Variants in SON observed in about 807,000 individuals in gnomAD.
The protein encoded by SON is protein SON.
In SON, 4 loss-of-function variants were observed where a neutral mutation model predicts 173.3. That is an observed-to-expected ratio of 0.02 (90% CI 0.01 to 0.05). SON has a LOEUF of 0.05. SON is among the 10% of genes least tolerant of loss of function. SON has a pLI of 1.00. For synonymous variants in SON, 1,190 were observed against 1,105.9 expected, an observed-to-expected ratio of 1.08 and a Z score of -1.51; for missense variants, 2,626 against 3,055.3, an observed-to-expected ratio of 0.86 and a Z score of 3.31.
chr21:33,550,038 G>A lies in SON; in HGVS notation c.807G>A (p.Glu269=), dbSNP rs150227615. 4 of 1,613,986 alleles carry A rather than the reference G, an allele frequency of 2.5e-6. No individual in the cohort carries two copies. The highest frequency in any genetic ancestry group is 3.4e-6 in the Non-Finnish European group (4 of 1,180,032). ...AGCCAGTTGTAACAATGTCAGTGGA[G>A]TATCAGATGAAGTCTGTGCTGAAAT... ...SSEPVVTMSV[E]YQMKSVLKSV... is the part of the protein sequence containing the mutation. Residue 269 remains glutamate, a synonymous_variant, in exon 3 of 12, where the codon GAG becomes GAA. Transcript: ENST00000356577.
At chr21:33,569,126 A>C in intron 8 of SON, 39 bp downstream of exon 8, 1 of 1,272,760 alleles carries the variant, frequency 7.9e-7, no homozygotes, top group Non-Finnish European at 1.1e-6. Context: ...TCGAACAAAA[A>C]GTTTAAATTT....
Position 33,551,931 on chromosome 21 carries a change from C to A in SON, c.2700C>A (p.Thr900=). The change falls in exon 3 of 12, where the codon ACC becomes ACA. Residue 900 remains threonine, a synonymous_variant. Coordinates refer to ENST00000356577, the MANE Select transcript of SON (RefSeq NM_138927.4). ...TMDAQMLASS[T]QDSAMLGSKS... ...ATGCCCAGATGTTAGCGTCTAGTAC[C>A]CAAGATTCTGCTATGTTGGGTTCAA... The A allele has an allele frequency of 6.2e-7, 1 of 1,614,082 alleles. No homozygotes were observed.
Position 33,551,190 on chromosome 21 carries a change from C to T in SON, c.1959C>T (p.Ile653=). ...GQPVATVALE[I]SVQSVVTTSE... ...CTGTGGCAACTGTGGCGCTGGAGAT[C>T]TCTGTTCAGTCTGTGGTGACAACAT... The change falls in exon 3 of 12, where the codon ATC becomes ATT. Residue 653 remains isoleucine, a synonymous_variant. Coordinates refer to ENST00000356577, the MANE Select transcript of SON (RefSeq NM_138927.4). 4 of 1,614,070 alleles carry T rather than the reference C, an allele frequency of 2.5e-6. No individual in the cohort carries two copies. Among genetic ancestry groups the T allele is most frequent in the Non-Finnish European group, 3.4e-6 (4 of 1,179,980 alleles).
intron 6 of SON, among the ~76,000 whole-genome samples, chr21:33,561,623 A>T (rs190781709): frequency 1.8e-3 from 272 of 151,842 alleles, no homozygotes; most frequent in Non-Finnish European, 3.0e-3. Flanking sequence ...CACTTTTTTG[A>T]GAGAGAGAGA....
intron 2 of SON, among the ~76,000 whole-genome samples, chr21:33,549,223 C>T (rs182388422): frequency 1.2e-4 from 18 of 151,842 alleles, no homozygotes; most frequent in South Asian, 1.0e-3. Flanking sequence ...TACAGGTGCG[C>T]GTCACCATGC....
chr21:33,562,586 A>G (rs1171130648), intron 6 of SON, among the ~76,000 whole-genome samples: 1 of 152,196 alleles, frequency 6.6e-6, no homozygotes, highest in Non-Finnish European at 1.5e-5. Context: ...GAAGCAGCAT[A>G]AATTCATTTC....
chr21:33,573,600 G>A, intron 9 of SON, 145 bp downstream of exon 9: 1 of 624,670 alleles, frequency 1.6e-6, no homozygotes, highest in Non-Finnish European at 2.6e-6. Flanking sequence ...CCCCTTTTGG[G>A]GTTCACAGAG....
chr21:33,551,311 A>T lies in SON; in HGVS notation c.2080A>T (p.Thr694Ser). The part of the protein sequence containing the change: ...YNTVAQELPT[T>S]LVGETSVTVG... Reference sequence around the variant, plus strand: ...TACGGTAGCACAGGAGCTGCCTACTACATTAGTGGGGGAGACTTCTGTAAC... The same window carrying T: ...TACGGTAGCACAGGAGCTGCCTACTTCATTAGTGGGGGAGACTTCTGTAAC... The change falls in exon 3 of 12, where the codon ACA becomes TCA. Residue 694 changes from threonine (T) to serine (S), a missense_variant. This residue lies in a region of SON where 182 missense variants were observed against 193.6 expected (regional missense o/e 0.94). Coordinates refer to ENST00000356577, the MANE Select transcript of SON (RefSeq NM_138927.4). The T allele has an allele frequency of 6.2e-7, 1 of 1,614,098 alleles. No individual in the cohort carries two copies. The highest frequency in any genetic ancestry group is 8.5e-7 in the Non-Finnish European group (1 of 1,179,984).
At position 33,552,945 on chromosome 21, in the gene SON, A is replaced by T. The variant is rs1259897645; in HGVS notation, c.3714A>T (p.Ser1238=). 2.2e-5 allele frequency: 35 copies of T among 1,614,066 alleles called. No homozygotes were observed. Among genetic ancestry groups the T allele is most frequent in the Non-Finnish European group, 2.8e-5 (33 of 1,180,034 alleles). ...ATTCAGTGTCAGCATCAGATCCCTC[A>T]GTTTTAGTATCAGAGGCTGCTGTGA... ...TDYSVSASDP[S]VLVSEAAVTV... Residue 1238 remains serine, a synonymous_variant, in exon 3 of 12, where the codon TCA becomes TCT. Coordinates refer to ENST00000356577, the MANE Select transcript of SON (RefSeq NM_138927.4). This position sits in a 1 kb window ranked among gnomAD's most constrained non-coding sequence, Gnocchi z 5.6.
chr21:33,546,288 C>T lies in SON; in HGVS notation c.153C>T (p.Ala51=). The T allele has an allele frequency of 1.2e-6, 2 of 1,613,638 alleles. No homozygotes were observed. Among genetic ancestry groups the T allele is most frequent in the Middle Eastern group, 1.6e-4 (1 of 6,062 alleles). ...IEGNQAGDAA[A]SARSLPNEEI... is the part of the protein sequence containing the mutation. ...GAAACCAGGCGGGTGATGCAGCTGC[C>T]TCTGCCAGGAGTCTACCAAATGAAG... Residue 51 remains alanine (A), a synonymous_variant, in exon 2 of 12, where the codon GCC becomes GCT. Transcript: ENST00000356577.
chr21:33,551,132 G>A lies in SON; in HGVS notation c.1901G>A (p.Gly634Glu). Residue 634 changes from glycine to glutamate, a missense_variant, in exon 3 of 12, where the codon GGG becomes GAG. This residue lies in a region of SON where 182 missense variants were observed against 193.6 expected (regional missense o/e 0.94). Transcript: ENST00000356577. ...PLATGVLELP[G>E]QPGAPELPGQ... ...GCAACAGGGGTGCTGGAGTTGCCAG[G>A]GCAGCCTGGGGCGCCAGAGTTGCCT... The A allele has an allele frequency of 6.2e-7, 1 of 1,612,996 alleles. No homozygotes were observed. The highest frequency in any genetic ancestry group is 8.5e-7 in the Non-Finnish European group (1 of 1,179,346).
At chr21:33,564,015 A>G (rs1277684424) in intron 6 of SON, among the ~76,000 whole-genome samples, 1 of 152,190 alleles carries the variant, frequency 6.6e-6, no homozygotes, top group Non-Finnish European at 1.5e-5. Flanking sequence ...ATATTACTAC[A>G]GAATTATTTT....
intron 7 of SON, among the ~76,000 whole-genome samples, chr21:33,568,138 C>CTGTGGTAA (rs1196684787): frequency 6.6e-6 from 1 of 152,200 alleles, no homozygotes; most frequent in Non-Finnish European, 1.5e-5. Context: ...GTGTGAATGA[C>CTGTGGTAA]AGCTGATCTT....
At position 33,551,507 on chromosome 21, in the gene SON, G is replaced by A. The variant is rs879085735; in HGVS notation, c.2276G>A (p.Ser759Asn). The A allele has an allele frequency of 1.9e-6, 3 of 1,613,962 alleles. No homozygotes were observed. The highest frequency in any genetic ancestry group is 1.7e-6 in the Non-Finnish European group (2 of 1,179,954). ...NTMDSQMLAS[S>N]TMDSQMLATS... ...ATGGACTCCCAGATGTTAGCGTCTA[G>A]CACCATGGACTCCCAGATGTTAGCA... Residue 759 changes from serine (S) to asparagine (N), a missense_variant, in exon 3 of 12, where the codon AGC becomes AAC. Ser to Asn is a conservative substitution (Grantham distance 46). Transcript: ENST00000356577.
Position 33,576,854 on chromosome 21 carries a change from A to C in SON, c.*430A>C. Reference sequence around the variant, plus strand: ...TAATCTTCAGTGTGGAATGTTAAATAACGCTTTTATACTGTATTTTGTACT... The same window carrying C: ...TAATCTTCAGTGTGGAATGTTAAATCACGCTTTTATACTGTATTTTGTACT... On this transcript the variant is annotated 3_prime_UTR_variant, in exon 12 of 12. Transcript: ENST00000356577. 1 of 318,538 alleles carries C rather than the reference A, an allele frequency of 3.1e-6. No homozygotes were observed. Among genetic ancestry groups the C allele is most frequent in the South Asian group, 2.7e-5 (1 of 36,706 alleles). 19.7% of individuals were successfully genotyped at this position (318,538 alleles called of 1,614,324 possible).
intron 8 of SON, among the ~76,000 whole-genome samples, chr21:33,570,978 G>A (rs1413103793): frequency 1.3e-5 from 2 of 148,742 alleles, no homozygotes; most frequent in Admixed American, 6.8e-5. Context: ...AATTTCTTCT[G>A]GTATTTGCAG....
chr21:33,544,915 G>A (rs959455169), intron 1 of SON, among the ~76,000 whole-genome samples: 11 of 152,304 alleles, frequency 7.2e-5, no homozygotes, highest in African/African-American at 2.6e-4. Flanking sequence ...AGACGAAGCA[G>A]TTTATTACTA....
intron 8 of SON, chr21:33,569,803 C>T (rs2086245319): frequency 4.1e-6 from 1 of 245,006 alleles, no homozygotes; most frequent in African/African-American, 2.4e-5. Context: ...AATCTGTGGA[C>T]CACCATTTAG....
intron 8 of SON, among the ~76,000 whole-genome samples, chr21:33,570,408 A>G (rs1044441665): frequency 3.3e-5 from 5 of 152,240 alleles, no homozygotes; most frequent in Non-Finnish European, 7.3e-5. Context: ...ACAAATTAAT[A>G]TGAAACATCA....
Sources: gnomAD v4.1 joint callset for allele counts (sites outside exome capture counted in the v4.1 genomes callset) on GRCh38, gnomAD v4.1.1 for gene constraint, gnomAD v4.1.1 regional missense constraint, Gnocchi (gnomAD v3.1) non-coding constraint, MANE v1.5 for transcripts, NCBI Gene and HGNC (gene_info 2026-07-23, HGNC 2026-07-21) for gene names.